Variants in TNFRSF11A observed in about 807,000 individuals in gnomAD.
The protein encoded by TNFRSF11A is tumor necrosis factor receptor superfamily member 11A.
A neutral mutation model predicts 55.7 loss-of-function variants in TNFRSF11A; 32 were observed. That is an observed-to-expected ratio of 0.57 (90% confidence interval 0.43 to 0.77). The LOEUF is 0.77. Ranked by LOEUF, TNFRSF11A falls within the 30% of genes least tolerant of loss-of-function variation. TNFRSF11A has a pLI of 0.00. For synonymous variants in TNFRSF11A, 311 were observed against 331.0 expected (o/e 0.94, Z 0.65); for missense variants, 753 against 809.8 (o/e 0.93, Z 0.85).
intron 9 of TNFRSF11A, among the ~76,000 whole-genome samples, chr18:62,373,302 A>C (rs1239819453): frequency 6.6e-6 from 1 of 151,904 alleles, no homozygotes; most frequent in Non-Finnish European, 1.5e-5. Flanking sequence ...TACTAAAAAT[A>C]AAAAAAATTA....
chr18:62,336,675 G>A (rs1380249846), intron 1 of TNFRSF11A: 4 of 152,248 alleles, frequency 2.6e-5, no homozygotes, highest in African/African-American at 9.6e-5. Context: ...TGTGGAAATA[G>A]GGGTGCATCG....
chr18:62,325,518 CCG>C lies in TNFRSF11A; in HGVS notation c.75+93_75+94del. The C allele has an allele frequency of 1.1e-6, 1 of 876,534 alleles. No homozygotes were observed. The highest frequency in any genetic ancestry group is 1.5e-6 in the Non-Finnish European group (1 of 687,270). The allele number at this position is 876,534 out of a possible 1,614,324, so 54.3% of individuals were successfully genotyped here. ...CGGGGCCGGCGGCATCCTGGCTCCTCCGCCTTCCGAGAGGAGCCGGAGTTTTG... is the reference window on the plus strand; with the variant it reads ...CGGGGCCGGCGGCATCCTGGCTCCTCCCTTCCGAGAGGAGCCGGAGTTTTG... On this transcript the variant is annotated intron_variant, in intron 1 of 9. Coordinates refer to ENST00000586569, the MANE Select transcript of TNFRSF11A (RefSeq NM_003839.4). The surrounding 1 kb of genome is among the most constrained non-coding windows in gnomAD (Gnocchi z 4.7).
chr18:62,357,884 G>T lies in TNFRSF11A; in HGVS notation c.428-364G>T, dbSNP rs1447574071. The T allele has an allele frequency of 1.7e-5, 5 of 298,364 alleles. No homozygotes were observed. In the East Asian group the frequency reaches 3.9e-4, roughly 23 times the overall value. 18.5% of individuals were successfully genotyped at this position (298,364 alleles called of 1,614,324 possible). On this transcript the variant is annotated intron_variant, in intron 4 of 9. Transcript: ENST00000586569. ...CAGATAGCAGGAGCAGTCAACATCGGCTCCCAGACTAGGAAACAAAGTGTC... is the reference window on the plus strand; with the variant it reads ...CAGATAGCAGGAGCAGTCAACATCGTCTCCCAGACTAGGAAACAAAGTGTC...
chr18:62,366,766 G>GT lies in TNFRSF11A; in HGVS notation c.783+7dup. The GT allele has an allele frequency of 6.2e-7, 1 of 1,614,138 alleles. No homozygotes were observed. Among genetic ancestry groups the GT allele is most frequent in the Middle Eastern group, 1.6e-4 (1 of 6,062 alleles). On this transcript the variant is annotated splice_region_variant and intron_variant, in intron 8 of 9. Coordinates refer to ENST00000586569, the MANE Select transcript of TNFRSF11A (RefSeq NM_003839.4). ...GCCGCCTAAGTGGAGATAAGGTAGA[G>GT]TGAACAGTTGTTGGTGCCTCTGTTA...
chr18:62,349,819 C>A lies in TNFRSF11A; in HGVS notation c.165C>A (p.Tyr55Ter). ...CTCCCTCATTTTTTTAAGGAAAGTA[C>A]ATGTCTTCTAAATGCACTACTACCT... ...RCCNKCEPGK[Y>*]MSSKCTTTSD... Residue 55 changes from tyrosine to a stop codon, truncating the protein, a stop_gained, in exon 3 of 10, where the codon TAC becomes TAA. Transcript: ENST00000586569. LOFTEE classifies it high-confidence loss of function. The A allele has an allele frequency of 6.2e-7, 1 of 1,613,924 alleles. No individual in the cohort carries two copies.
At chr18:62,335,743 C>T (rs1211786496) in intron 1 of TNFRSF11A, among the ~76,000 whole-genome samples, 2 of 152,154 alleles carry the variant, frequency 1.3e-5, no homozygotes, top group African/African-American at 4.8e-5. Context: ...GATTTTGTCC[C>T]AAATCAGTGG....
chr18:62,349,187 T>C (rs1446095938), intron 2 of TNFRSF11A, among the ~76,000 whole-genome samples: 2 of 151,832 alleles, frequency 1.3e-5, no homozygotes, highest in Non-Finnish European at 2.9e-5. Flanking sequence ...TTTTCTTTTT[T>C]TCTTTTTGAG....
chr18:62,362,069 C>T (rs998359994), intron 7 of TNFRSF11A, among the ~76,000 whole-genome samples: 4 of 152,144 alleles, frequency 2.6e-5, no homozygotes, highest in Non-Finnish European at 5.9e-5. Context: ...GTAGACTCTG[C>T]AGCATCACAT....
rs1600407119 is a variant in TNFRSF11A at position 62,369,270 on chromosome 18, C to A, written c.1353C>A (p.Asn451Lys). ...CAGATGTCTGCACAGGCTGCCGGAA[C>A]CCTCCTGGGGAGGACTGTGAACCCC... Reference protein sequence around the residue: ...NWADVCTGCRNPPGEDCEPLV... With the variant: ...NWADVCTGCRKPPGEDCEPLV... The change falls in exon 9 of 10, where the codon AAC (asparagine) becomes AAA (lysine). Residue 451 changes from asparagine to lysine, a missense_variant. This residue lies in a region of TNFRSF11A where 567 missense variants were observed against 596.7 expected (regional missense o/e 0.95). Transcript: ENST00000586569. 1 of 1,613,432 alleles carries A rather than the reference C, an allele frequency of 6.2e-7. No individual in the cohort carries two copies. Among genetic ancestry groups the A allele is most frequent in the Non-Finnish European group, 8.5e-7 (1 of 1,180,018 alleles).
chr18:62,345,113 C>T (rs770887150), intron 1 of TNFRSF11A, among the ~76,000 whole-genome samples: 1 of 152,164 alleles, frequency 6.6e-6, no homozygotes, highest in Non-Finnish European at 1.5e-5. Flanking sequence ...CTGCAGTGCA[C>T]AGCGCTCACC....
intron 9 of TNFRSF11A, among the ~76,000 whole-genome samples, chr18:62,379,893 C>A (rs760460992): frequency 6.6e-6 from 1 of 152,162 alleles, no homozygotes; most frequent in Admixed American, 6.5e-5. Flanking sequence ...TAGAGAAAAT[C>A]TGATTAGCAA....
At chr18:62,335,957 A>T (rs1028306008) in intron 1 of TNFRSF11A, among the ~76,000 whole-genome samples, 1 of 152,198 alleles carries the variant, frequency 6.6e-6, no homozygotes, top group Non-Finnish European at 1.5e-5. Context: ...AAGTTGATTA[A>T]TCTCTCTTGG....
chr18:62,369,304 T>TC lies in TNFRSF11A; in HGVS notation c.1391dup (p.Arg466ThrfsTer16). On this transcript the variant is annotated frameshift_variant, in exon 9 of 10. Coordinates refer to ENST00000586569, the MANE Select transcript of TNFRSF11A (RefSeq NM_003839.4). LOFTEE classifies it high-confidence loss of function. ...GGAGGACTGTGAACCCCTCGTGGGT[T>TC]CCCCAAAACGTGGACCCTTGCCCCA... 1 of 1,611,106 alleles carries TC rather than the reference T, an allele frequency of 6.2e-7. No individual in the cohort carries two copies. The highest frequency in any genetic ancestry group is 8.5e-7 in the Non-Finnish European group (1 of 1,178,608).
chr18:62,327,049 G>A (rs4355028), intron 1 of TNFRSF11A, among the ~76,000 whole-genome samples: 42,142 of 151,912 alleles, frequency 0.28, 6,178 homozygotes, highest in African/African-American at 0.34. Flanking sequence ...GGCGGGTTTG[G>A]GGAGGAAGCA....
Position 62,388,998 on chromosome 18 carries a change from G to C in TNFRSF11A, c.*3964G>C, listed in dbSNP as rs1911892228. On this transcript the variant is annotated 3_prime_UTR_variant, in exon 10 of 10. Coordinates refer to ENST00000586569, the MANE Select transcript of TNFRSF11A (RefSeq NM_003839.4). ...AGTTGTTTGCTCTTTGACAGTCTCT[G>C]ATGGCATGTGAGTCTGGTGCATTGC... 1 of 152,356 alleles carries C rather than the reference G, an allele frequency of 6.6e-6. No individual in the cohort carries two copies. The highest frequency in any genetic ancestry group is 2.4e-5 in the African/African-American group (1 of 41,470). 9.4% of individuals were successfully genotyped at this position (152,356 alleles called of 1,614,324 possible).
chr18:62,384,480 C>A (rs1433141713), intron 9 of TNFRSF11A, among the ~76,000 whole-genome samples: 7 of 144,554 alleles, frequency 4.8e-5, no homozygotes, highest in Admixed American at 4.8e-4. Flanking sequence ...CCTCCCCCTT[C>A]CCCCCTCCCT....
At chr18:62,328,403 G>T (rs573772706) in intron 1 of TNFRSF11A, among the ~76,000 whole-genome samples, 75 of 149,456 alleles carry the variant, frequency 5.0e-4, no homozygotes, top group Non-Finnish European at 7.2e-4. Flanking sequence ...AGACCTAAAA[G>T]AATCTTACAG....
chr18:62,376,585 G>T (rs9958541), intron 9 of TNFRSF11A, among the ~76,000 whole-genome samples: 110 of 152,190 alleles, frequency 7.2e-4, no homozygotes, highest in African/African-American at 2.6e-3. Flanking sequence ...TACATTTGCT[G>T]CACTTGACGA....
rs79372404 is a variant in TNFRSF11A, at chr18:62,326,278, G to A, written c.75+851G>A. Among the ~76,000 whole-genome samples, 1,125 of 152,288 alleles carry A rather than the reference G, an allele frequency of 7.4e-3. 15 individuals are homozygous for A. The highest frequency in any genetic ancestry group is 0.026 in the African/African-American group (1,070 of 41,538). Reference sequence around the variant, plus strand: ...AGGCTGCTGCCGTCCCTCCGCAGCCGGGCACGGAACCCGGAGAGGCGTGGG... The same window carrying A: ...AGGCTGCTGCCGTCCCTCCGCAGCCAGGCACGGAACCCGGAGAGGCGTGGG... On this transcript the variant is annotated intron_variant, in intron 1 of 9. Transcript: ENST00000586569.
Sources: gnomAD v4.1 joint callset for allele counts (sites outside exome capture counted in the v4.1 genomes callset) on GRCh38, gnomAD v4.1.1 for gene constraint, gnomAD v4.1.1 regional missense constraint, Gnocchi (gnomAD v3.1) non-coding constraint, MANE v1.5 for transcripts, NCBI Gene and HGNC (gene_info 2026-07-23, HGNC 2026-07-21) for gene names.